The following MGAT4C variants were observed in gnomAD, a reference collection of about 807,000 sequenced individuals.
The protein encoded by MGAT4C is alpha-1,3-mannosyl-glycoprotein 4-beta-N-acetylglucosaminyltransferase C.
Under a neutral mutation model 40.1 loss-of-function variants are expected in MGAT4C, and 19 were observed. That is an observed-to-expected ratio of 0.47 (90% CI 0.33 to 0.70). The LOEUF (loss-of-function observed/expected upper bound fraction) is 0.70, where lower values mean the gene tolerates loss of function less well. MGAT4C is among the 30% of genes least tolerant of loss of function. MGAT4C has a pLI of 0.02. For missense variants in MGAT4C, 491 were observed against 563.2 expected (o/e 0.87, Z 1.30); for synonymous variants, 181 against 187.1 (o/e 0.97, Z 0.27).
chr12:86,510,104 T>C (rs1383882350), intron 2 of MGAT4C, among the ~76,000 whole-genome samples: 1 of 152,148 alleles, frequency 6.6e-6, no homozygotes, highest in Non-Finnish European at 1.5e-5. Context: ...CTATGTTGAA[T>C]AGGAGTGGTG....
chr12:86,673,464 TG>T (rs1964313771), intron 2 of MGAT4C, among the ~76,000 whole-genome samples: 1 of 151,574 alleles, frequency 6.6e-6, no homozygotes, highest in South Asian at 2.1e-4. Context: ...CACACACACA[TG>T]CACACACACA....
chr12:86,563,465 A>T (rs1376151797), intron 2 of MGAT4C, among the ~76,000 whole-genome samples: 1 of 152,220 alleles, frequency 6.6e-6, no homozygotes, highest in Non-Finnish European at 1.5e-5. Context: ...AGTGGACCAA[A>T]GACTAATTTG....
chr12:86,664,155 A>G (rs988263040), intron 2 of MGAT4C, among the ~76,000 whole-genome samples: 7 of 151,744 alleles, frequency 4.6e-5, no homozygotes, highest in South Asian at 2.1e-4. Context: ...TTGTACTTCA[A>G]TGAACTACTT....
rs1883799005 is a variant in MGAT4C, at chr12:85,974,336, C to T, written c.*4953G>A. 1 of 150,704 alleles carries T rather than the reference C, an allele frequency of 6.6e-6. No homozygotes were observed. Among genetic ancestry groups the T allele is most frequent in the South Asian group, 2.1e-4 (1 of 4,806 alleles). 9.3% of individuals were successfully genotyped at this position (150,704 alleles called of 1,614,324 possible). A position where few individuals can be genotyped will look rare whatever the true frequency, so the allele number is the denominator to read the frequency against. On this transcript the variant is annotated 3_prime_UTR_variant, in exon 5 of 5. Transcript: ENST00000611864. ...CAGGAGGACAGTGTGTCAGGAAAAT[C>T]CAAGAATAAGTGGAGGTGTAAAGGC...
At chr12:86,445,089 C>T (rs985772857) in intron 2 of MGAT4C, among the ~76,000 whole-genome samples, 9 of 152,068 alleles carry the variant, frequency 5.9e-5, no homozygotes, top group Middle Eastern at 3.2e-3. Flanking sequence ...GTGTAACAGA[C>T]GTGTTCATTA....
At chr12:86,804,273 G>A (rs1593222860) in intron 1 of MGAT4C, among the ~76,000 whole-genome samples, 1 of 115,558 alleles carries the variant, frequency 8.7e-6, no homozygotes, top group South Asian at 3.3e-4. Context: ...TAGTGGGGTG[G>A]GGGGAGGGGG....
chr12:86,497,897 T>TAC (rs1217983675), intron 2 of MGAT4C, among the ~76,000 whole-genome samples: 2 of 140,876 alleles, frequency 1.4e-5, no homozygotes, highest in African/African-American at 2.7e-5. Flanking sequence ...TTCCTAAATA[T>TAC]ATATATATAT....
intron 2 of MGAT4C, among the ~76,000 whole-genome samples, chr12:86,438,053 G>C (rs978497879): frequency 6.6e-6 from 1 of 151,902 alleles, no homozygotes; most frequent in Non-Finnish European, 1.5e-5. Context: ...TAGTGAGGAA[G>C]GCATGTCAAA....
chr12:86,697,665 T>A (rs1950281586), intron 2 of MGAT4C, among the ~76,000 whole-genome samples: 2 of 152,096 alleles, frequency 1.3e-5, no homozygotes, highest in African/African-American at 4.8e-5. Context: ...ATAAATTTGT[T>A]ACTAAAAGCT....
At chr12:86,830,151 C>G (rs538788874) in intron 1 of MGAT4C, among the ~76,000 whole-genome samples, 1 of 151,506 alleles carries the variant, frequency 6.6e-6, no homozygotes, top group Non-Finnish European at 1.5e-5. Context: ...TGAGCTTGAG[C>G]CTGAGTCTCA....
At chr12:86,492,645 T>C (rs1436903959) in intron 2 of MGAT4C, among the ~76,000 whole-genome samples, 1 of 152,086 alleles carries the variant, frequency 6.6e-6, no homozygotes, top group Non-Finnish European at 1.5e-5. Flanking sequence ...CAAAAATTAA[T>C]TCAAGATGGA....
At chr12:86,072,963 T>C (rs1452076573) in intron 1 of MGAT4C, among the ~76,000 whole-genome samples, 2 of 152,142 alleles carry the variant, frequency 1.3e-5, no homozygotes, top group African/African-American at 4.8e-5. Flanking sequence ...AGGAGTTACA[T>C]TTCTATTCCT....
chr12:86,166,536 G>T (rs192640975), intron 1 of MGAT4C, among the ~76,000 whole-genome samples: 2 of 152,154 alleles, frequency 1.3e-5, no homozygotes, highest in East Asian at 3.9e-4. Context: ...GTTGGCTGTG[G>T]TGGCGCAGGC....
At position 86,386,016 on chromosome 12, in the gene MGAT4C, C is replaced by T. The variant is rs781557083; in HGVS notation, c.-120+49141G>A. On this transcript the variant is annotated intron_variant, in intron 3 of 7. Transcript: ENST00000548651. ...CAAGATCTCGGCTCACTGCAACCTC[C>T]GCCTCCCGGATTCACGCCATTCTCC... Among the ~76,000 whole-genome samples the T allele has an allele frequency of 7.2e-4, 110 of 152,212 alleles. 1 individual carries two copies. Among genetic ancestry groups the T allele is most frequent in the African/African-American group, 2.1e-3 (86 of 41,532 alleles).
intron 2 of MGAT4C, among the ~76,000 whole-genome samples, chr12:86,438,946 A>G (rs985150734): frequency 6.6e-6 from 1 of 151,966 alleles, no homozygotes; most frequent in African/African-American, 2.4e-5. Flanking sequence ...GCTTAAATAT[A>G]TATATGCACT....
intron 2 of MGAT4C, among the ~76,000 whole-genome samples, chr12:86,675,094 C>T (rs998707626): frequency 2.6e-5 from 4 of 152,110 alleles, no homozygotes; most frequent in Admixed American, 2.0e-4. Flanking sequence ...GATTGTGCTG[C>T]AAATACATGT....
At chr12:86,151,335 G>A (rs1276502938) in intron 1 of MGAT4C, among the ~76,000 whole-genome samples, 4 of 152,056 alleles carry the variant, frequency 2.6e-5, no homozygotes, top group South Asian at 2.1e-4. Flanking sequence ...GACACTGGCC[G>A]GGCGCGGTGG....
intron 2 of MGAT4C, among the ~76,000 whole-genome samples, chr12:86,590,557 C>T (rs1454912933): frequency 3.3e-5 from 5 of 151,920 alleles, no homozygotes; most frequent in African/African-American, 9.7e-5. Flanking sequence ...ATCTTAGCTG[C>T]TGTTTCTTGT....
chr12:86,591,277 C>T (rs540869941), intron 2 of MGAT4C, among the ~76,000 whole-genome samples: 25 of 151,816 alleles, frequency 1.6e-4, no homozygotes, highest in African/African-American at 6.0e-4. Flanking sequence ...ACATCCAGTC[C>T]CTGGAAATTA....
Sources: allele counts gnomAD v4.1 joint callset (sites outside exome capture counted in the v4.1 genomes callset), GRCh38; gene constraint gnomAD v4.1.1; transcripts MANE v1.5; gene names NCBI Gene and HGNC (gene_info 2026-07-23, HGNC 2026-07-21).